Variants in RNF220 observed in about 807,000 individuals in gnomAD.
RNF220 encodes ring finger protein 220.
In RNF220, 7 loss-of-function variants were observed where a neutral mutation model predicts 67.1. The observed-to-expected ratio is 0.10, with a 90% CI of 0.06 to 0.20. The LOEUF (loss-of-function observed/expected upper bound fraction) is 0.20. Ranked by LOEUF, RNF220 falls within the 10% of genes least tolerant of loss-of-function variation. The pLI, the probability that RNF220 is intolerant of heterozygous loss-of-function variation, is 1.00. For missense variants in RNF220, 565 were observed against 740.3 expected, an observed-to-expected ratio of 0.76 and a Z score of 2.75; for synonymous variants, 270 against 283.2, an observed-to-expected ratio of 0.95 and a Z score of 0.47.
intron 2 of RNF220, among the ~76,000 whole-genome samples, chr1:44,499,082 C>T (rs1488867442): frequency 2.0e-5 from 3 of 152,128 alleles, no homozygotes; most frequent in Admixed American, 1.3e-4. Flanking sequence ...AGGACTGCAC[C>T]CTATTGACCC....
chr1:44,641,576 A>G (rs1322163511), intron 8 of RNF220, among the ~76,000 whole-genome samples: 1 of 152,034 alleles, frequency 6.6e-6, no homozygotes, highest in East Asian at 1.9e-4. Flanking sequence ...TCCAAGCGGG[A>G]GGGGGGGCAA....
At chr1:44,469,041 AAATC>A (rs780307798) in intron 2 of RNF220, among the ~76,000 whole-genome samples, 16 of 152,350 alleles carry the variant, frequency 1.1e-4, no homozygotes, top group Non-Finnish European at 1.6e-4. Flanking sequence ...GAGAGTTTAT[AAATC>A]AGTCTAAAAA....
chr1:44,440,566 T>G (rs1317710220), intron 2 of RNF220, among the ~76,000 whole-genome samples: 1 of 152,222 alleles, frequency 6.6e-6, no homozygotes, highest in Non-Finnish European at 1.5e-5. Flanking sequence ...CAGCTGAGAC[T>G]CAGAGAATTT....
intron 2 of RNF220, among the ~76,000 whole-genome samples, chr1:44,590,455 A>T (rs1174772110): frequency 6.6e-6 from 1 of 152,202 alleles, no homozygotes; most frequent in Non-Finnish European, 1.5e-5. Flanking sequence ...CAGGAGCCCC[A>T]TGCTTCCTCA....
At chr1:44,461,818 T>C (rs1198991465) in intron 2 of RNF220, among the ~76,000 whole-genome samples, 1 of 152,194 alleles carries the variant, frequency 6.6e-6, no homozygotes, top group African/African-American at 2.4e-5. Context: ...ATTTTAGTTC[T>C]TGTTAATGGC....
intron 2 of RNF220, among the ~76,000 whole-genome samples, chr1:44,514,571 C>T (rs1659304155): frequency 6.6e-6 from 1 of 152,172 alleles, no homozygotes; most frequent in Non-Finnish European, 1.5e-5. Flanking sequence ...AGTGTTGAAA[C>T]GATCTCCTCT....
chr1:44,440,358 T>C (rs1651422144), intron 2 of RNF220, among the ~76,000 whole-genome samples: 1 of 152,130 alleles, frequency 6.6e-6, no homozygotes, highest in Admixed American at 6.5e-5. Flanking sequence ...TAGCCAGGTA[T>C]GCAGTGTGCA....
rs80298127 is a variant in RNF220 at position 44,430,173 on chromosome 1, A to C, written c.625+17451A>C. On this transcript the variant is annotated intron_variant, in intron 2 of 14. Coordinates refer to ENST00000361799, the MANE Select transcript of RNF220 (RefSeq NM_018150.4). ...AGATACATATGAAACTGTTAATGCTAGTTTCCCCTGGGAAGTATGACTAGG... is the reference window on the plus strand; with the variant it reads ...AGATACATATGAAACTGTTAATGCTCGTTTCCCCTGGGAAGTATGACTAGG... Among the ~76,000 whole-genome samples, 1,136 of 152,168 alleles carry C rather than the reference A, an allele frequency of 7.5e-3. 12 individuals are homozygous for C. Among genetic ancestry groups the C allele is most frequent in the African/African-American group, 0.025 (1,056 of 41,542 alleles).
intron 2 of RNF220, among the ~76,000 whole-genome samples, chr1:44,467,914 T>A (rs1237104640): frequency 6.6e-6 from 1 of 152,098 alleles, no homozygotes; most frequent in Non-Finnish European, 1.5e-5. Flanking sequence ...GGTTATTAAT[T>A]GGCCTAATTT....
intron 2 of RNF220, among the ~76,000 whole-genome samples, chr1:44,516,651 G>C (rs115320006): frequency 1.1e-3 from 164 of 152,222 alleles, no homozygotes; most frequent in African/African-American, 3.6e-3. Flanking sequence ...TGAAGGGAAA[G>C]AGGAAGAGAA....
intron 2 of RNF220, among the ~76,000 whole-genome samples, chr1:44,443,001 GACTTC>G (rs1445697276): frequency 6.6e-6 from 1 of 152,136 alleles, no homozygotes; most frequent in East Asian, 1.9e-4. Context: ...GTGGAAATAA[GACTTC>G]TCAAATAACT....
At chr1:44,407,827 C>T (rs1572399052) in intron 1 of RNF220, among the ~76,000 whole-genome samples, 3 of 152,252 alleles carry the variant, frequency 2.0e-5, no homozygotes, top group Admixed American at 6.5e-5. Flanking sequence ...GTGCGCGCGG[C>T]GGCGGGACCC....
intron 2 of RNF220, among the ~76,000 whole-genome samples, chr1:44,425,995 G>A (rs1162303223): frequency 6.6e-6 from 1 of 152,118 alleles, no homozygotes; most frequent in Middle Eastern, 3.2e-3. Flanking sequence ...AGGTGTTTTG[G>A]GGCAAAAGTT....
At chr1:44,633,239 C>G (rs1052746964) in intron 6 of RNF220, among the ~76,000 whole-genome samples, 4 of 152,204 alleles carry the variant, frequency 2.6e-5, no homozygotes, top group African/African-American at 9.7e-5. Flanking sequence ...CACAACGCCT[C>G]TGAGAAGAGT....
intron 2 of RNF220, among the ~76,000 whole-genome samples, chr1:44,494,875 A>G (rs1276175454): frequency 6.6e-6 from 1 of 152,218 alleles, no homozygotes; most frequent in Non-Finnish European, 1.5e-5. Context: ...TCACTTCACA[A>G]TGAAATTTCT....
intron 2 of RNF220, among the ~76,000 whole-genome samples, chr1:44,515,139 C>A (rs932498230): frequency 6.6e-6 from 1 of 152,354 alleles, no homozygotes; most frequent in African/African-American, 2.4e-5. Flanking sequence ...AGCCAACAGT[C>A]TATTCCCTTC....
chr1:44,552,942 C>T (rs1662781449), intron 2 of RNF220, among the ~76,000 whole-genome samples: 1 of 152,168 alleles, frequency 6.6e-6, no homozygotes, highest in African/African-American at 2.4e-5. Flanking sequence ...TAATCTCTCA[C>T]CACGCCCCGC....
intron 2 of RNF220, among the ~76,000 whole-genome samples, chr1:44,457,379 A>G (rs1013626884): frequency 1.3e-5 from 2 of 152,212 alleles, no homozygotes; most frequent in African/African-American, 4.8e-5. Flanking sequence ...ATGAATGAAA[A>G]AAATTATGAG....
intron 2 of RNF220, among the ~76,000 whole-genome samples, chr1:44,559,504 A>G (rs746303346): frequency 1.1e-4 from 16 of 152,234 alleles, no homozygotes; most frequent in Non-Finnish European, 2.2e-4. Context: ...AGACAGATAT[A>G]TAGAGATGAG....
Sources: gnomAD v4.1 joint callset for allele counts (sites outside exome capture counted in the v4.1 genomes callset) on GRCh38, gnomAD v4.1.1 for gene constraint, MANE v1.5 for transcripts, NCBI Gene and HGNC (gene_info 2026-07-23, HGNC 2026-07-21) for gene names.